PLEKHA5: variants seen among roughly 807,000 people sequenced by gnomAD.
The protein encoded by PLEKHA5 is pleckstrin homology domain-containing family A member 5.
In PLEKHA5, 55 loss-of-function variants were observed where a neutral mutation model predicts 181.9. That is an observed-to-expected ratio of 0.30 (90% CI 0.24 to 0.38). PLEKHA5 has a LOEUF of 0.38. Among genes scored for constraint, PLEKHA5 ranks in the 10% least tolerant of loss-of-function variants. The pLI is 1.00. For synonymous variants in PLEKHA5, 535 were observed against 529.4 expected (o/e 1.01, Z -0.15); for missense variants, 1,432 against 1,549.5 (o/e 0.92, Z 1.27).
chr12:19,210,939 A>G (rs1056399060), intron 3 of PLEKHA5, among the ~76,000 whole-genome samples: 1 of 151,976 alleles, frequency 6.6e-6, no homozygotes, highest in South Asian at 2.1e-4. Context: ...TGAAGAGTTG[A>G]TCTATTTATA....
At chr12:19,275,018 T>G in intron 11 of PLEKHA5, 35 bp downstream of exon 11, 2 of 1,398,604 alleles carry the variant, frequency 1.4e-6, no homozygotes, top group South Asian at 2.4e-5. Context: ...AACCCAGGTT[T>G]CTTTGATGCT....
At chr12:19,279,472 G>T (rs1005733370) in intron 11 of PLEKHA5, among the ~76,000 whole-genome samples, 1 of 151,934 alleles carries the variant, frequency 6.6e-6, no homozygotes, top group African/African-American at 2.4e-5. Flanking sequence ...AGACCAGCCT[G>T]GCCAACATGG....
At chr12:19,324,248 T>C (rs2091582943) in intron 20 of PLEKHA5, among the ~76,000 whole-genome samples, 1 of 152,202 alleles carries the variant, frequency 6.6e-6, no homozygotes. Flanking sequence ...TAAAGGAATA[T>C]ACCATGATTT....
At chr12:19,157,383 T>A (rs2151419187) in intron 3 of PLEKHA5, among the ~76,000 whole-genome samples, 1 of 152,284 alleles carries the variant, frequency 6.6e-6, no homozygotes, top group South Asian at 2.1e-4. Flanking sequence ...TGGTCATTAT[T>A]TAGTAATGCA....
At chr12:19,237,968 G>A (rs2061684314) in intron 3 of PLEKHA5, among the ~76,000 whole-genome samples, 1 of 151,550 alleles carries the variant, frequency 6.6e-6, no homozygotes, top group Non-Finnish European at 1.5e-5. Flanking sequence ...TATTTATATT[G>A]TACAAACAAA....
chr12:19,363,040 T>C (rs1301117196), intron 29 of PLEKHA5, among the ~76,000 whole-genome samples: 1 of 152,102 alleles, frequency 6.6e-6, no homozygotes, highest in Non-Finnish European at 1.5e-5. Flanking sequence ...TGATTGACAT[T>C]GGTCAAAATT....
At chr12:19,299,444 A>AG (rs2080850135) in intron 15 of PLEKHA5, among the ~76,000 whole-genome samples, 1 of 152,206 alleles carries the variant, frequency 6.6e-6, no homozygotes, top group Non-Finnish European at 1.5e-5. Flanking sequence ...ATCTTTAGTC[A>AG]GCAAATCATT....
chr12:19,165,778 A>T (rs2044214742), intron 3 of PLEKHA5, among the ~76,000 whole-genome samples: 1 of 152,158 alleles, frequency 6.6e-6, no homozygotes, highest in Admixed American at 6.5e-5. Context: ...CTAACTATCA[A>T]ATGGCCAGAC....
intron 25 of PLEKHA5, 48 bp downstream of exon 25, chr12:19,348,567 C>T (rs1433018534): frequency 1.4e-6 from 2 of 1,416,808 alleles, no homozygotes; most frequent in South Asian, 3.0e-5. Flanking sequence ...TTTTTGAAGA[C>T]AATTTACTGC....
intron 14 of PLEKHA5, among the ~76,000 whole-genome samples, chr12:19,291,171 AAATT>A (rs750640613): frequency 2.6e-5 from 4 of 152,212 alleles, no homozygotes; most frequent in Non-Finnish European, 5.9e-5. Context: ...ATAAAACAAT[AAATT>A]AAAAATTCAT....
chr12:19,157,190 T>G (rs548711870), intron 3 of PLEKHA5, among the ~76,000 whole-genome samples: 14 of 151,490 alleles, frequency 9.2e-5, no homozygotes, highest in African/African-American at 3.1e-4. Flanking sequence ...AAAACCCTCA[T>G]GCTGAGTTTA....
Position 19,369,747 on chromosome 12 carries a change from A to C in PLEKHA5, c.3809A>C (p.Gln1270Pro). ...ESSASPVPSTQPQLTEGSHFM... is the reference protein window; with the variant it reads ...ESSASPVPSTPPQLTEGSHFM... ...TCGGCATCGCCAGTTCCATCCACTC[A>C]GCCGCAGCTCACAGAAGGATCACAT... Residue 1270 changes from glutamine to proline, a missense_variant, in exon 31 of 32, where the codon CAG (glutamine) becomes CCG (proline). By Grantham distance (76) the Gln-to-Pro change is moderately conservative. Around this residue, in one of 2 missense-constraint regions of PLEKHA5, gnomAD observed 1,143 missense variants for 1,168.4 expected, o/e 0.98. Coordinates refer to ENST00000429027, the MANE Select transcript of PLEKHA5 (RefSeq NM_001256470.2). 1 of 1,613,252 alleles carries C rather than the reference A, an allele frequency of 6.2e-7. No individual in the cohort carries two copies. The highest frequency in any genetic ancestry group is 1.7e-5 in the Admixed American group (1 of 59,862).
At chr12:19,368,519 A>G (rs1182490481) in intron 30 of PLEKHA5, among the ~76,000 whole-genome samples, 1 of 151,142 alleles carries the variant, frequency 6.6e-6, no homozygotes, top group Non-Finnish European at 1.5e-5. Flanking sequence ...ATAGCCAGGC[A>G]CAGTGGCTCA....
chr12:19,225,383 TTC>T (rs1222720663), intron 3 of PLEKHA5, among the ~76,000 whole-genome samples: 1 of 152,202 alleles, frequency 6.6e-6, no homozygotes, highest in African/African-American at 2.4e-5. Context: ...GATTTTAATT[TTC>T]TGTCTCTTTT....
intron 3 of PLEKHA5, among the ~76,000 whole-genome samples, chr12:19,209,666 T>C (rs1216703887): frequency 6.6e-6 from 1 of 152,196 alleles, no homozygotes; most frequent in African/African-American, 2.4e-5. Context: ...AGTATGGTCC[T>C]GAAAACAAAG....
chr12:19,253,208 G>A (rs1330716969), intron 3 of PLEKHA5, among the ~76,000 whole-genome samples: 1 of 150,380 alleles, frequency 6.6e-6, no homozygotes, highest in Non-Finnish European at 1.5e-5. Flanking sequence ...CCGAGTAGCT[G>A]GGATTACAGG....
chr12:19,149,646 T>C (rs1012146464), intron 3 of PLEKHA5: 16 of 152,374 alleles, frequency 1.1e-4, no homozygotes, highest in African/African-American at 3.4e-4. Flanking sequence ...GGGCCTGCTC[T>C]TATCTGAGAT....
intron 3 of PLEKHA5, chr12:19,150,933 T>C (rs896048283): frequency 6.6e-6 from 1 of 152,246 alleles, no homozygotes; most frequent in African/African-American, 2.4e-5. Flanking sequence ...AGTGATCTGA[T>C]AGATTGGGAT....
chr12:19,159,725 T>C (rs1435026080), intron 3 of PLEKHA5, among the ~76,000 whole-genome samples: 4 of 152,166 alleles, frequency 2.6e-5, no homozygotes, highest in African/African-American at 9.6e-5. Context: ...TTAGCATAGG[T>C]CTGCAGGTTT....
Sources: allele counts gnomAD v4.1 joint callset (sites outside exome capture counted in the v4.1 genomes callset), GRCh38; gene constraint gnomAD v4.1.1; regional missense constraint gnomAD v4.1.1; transcripts MANE v1.5; gene names NCBI Gene and HGNC (gene_info 2026-07-23, HGNC 2026-07-21).